The following CAMK2D variants were observed in gnomAD, a reference collection of about 807,000 sequenced individuals.
CAMK2D encodes the protein calcium/calmodulin dependent protein kinase II delta.
CAMK2D carries 37 observed loss-of-function variants against 84.0 expected under a neutral mutation model. The observed-to-expected ratio is 0.44, with a 90% CI of 0.34 to 0.58. The LOEUF (loss-of-function observed/expected upper bound fraction) is 0.58. Among genes scored for constraint, CAMK2D ranks in the 20% least tolerant of loss-of-function variants. The pLI, the probability that CAMK2D is intolerant of heterozygous loss-of-function variation, is 0.02. For synonymous variants in CAMK2D, 202 were observed against 212.5 expected, an observed-to-expected ratio of 0.95 and a Z score of 0.43; for missense variants, 448 against 652.5, an observed-to-expected ratio of 0.69 and a Z score of 3.41.
chr4:113,716,800 G>A (rs1432746873), intron 2 of CAMK2D, among the ~76,000 whole-genome samples: 1 of 152,086 alleles, frequency 6.6e-6, no homozygotes, highest in Non-Finnish European at 1.5e-5. Context: ...AGGACACATG[G>A]TAATGAGCAG....
intron 3 of CAMK2D, among the ~76,000 whole-genome samples, chr4:113,623,355 T>A (rs1030515909): frequency 1.3e-5 from 2 of 151,900 alleles, no homozygotes; most frequent in East Asian, 3.9e-4. Flanking sequence ...AGATTAATGA[T>A]GATCAATGAT....
At chr4:113,661,869 C>T (rs960761579) in intron 2 of CAMK2D, 97 bp from the exon 3 acceptor site, 1 of 609,658 alleles carries the variant, frequency 1.6e-6, no homozygotes, top group Non-Finnish European at 3.0e-6. Context: ...TTTGCATTTA[C>T]TTATCCTTTG....
At chr4:113,667,055 G>A (rs1410065279) in intron 2 of CAMK2D, among the ~76,000 whole-genome samples, 1 of 152,190 alleles carries the variant, frequency 6.6e-6, no homozygotes, top group Non-Finnish European at 1.5e-5. Flanking sequence ...ACAGCCTCGA[G>A]TAAGAGACAT....
chr4:113,646,817 G>C (rs1352174974), intron 3 of CAMK2D, among the ~76,000 whole-genome samples: 1 of 152,204 alleles, frequency 6.6e-6, no homozygotes, highest in African/African-American at 2.4e-5. Flanking sequence ...CCGAGGAGAG[G>C]AAAGACATGG....
chr4:113,467,840 G>A lies in CAMK2D; in HGVS notation c.1136-2236C>T, dbSNP rs555277134. On this transcript the variant is annotated intron_variant, in intron 16 of 20. Coordinates refer to ENST00000511664, the MANE Select transcript of CAMK2D (RefSeq NM_001321571.2). ...GGCAAAAGCTAATGACAGCTGACCC[G>A]ATTCTGGAATATAAGGGATACGGGT... is the stretch of plus-strand genomic sequence containing the variant. Among the ~76,000 whole-genome samples, 4 of 152,170 alleles carry A rather than the reference G, an allele frequency of 2.6e-5. No homozygotes were observed. The South Asian group carries it at 8.3e-4, about 32-fold the overall frequency.
chr4:113,492,655 G>T (rs2154140535), intron 16 of CAMK2D, among the ~76,000 whole-genome samples: 1 of 150,672 alleles, frequency 6.6e-6, no homozygotes, highest in African/African-American at 2.5e-5. Flanking sequence ...ATGTCTATTA[G>T]GTCCACTTGG....
At chr4:113,575,821 C>T (rs1048196931) in intron 4 of CAMK2D, among the ~76,000 whole-genome samples, 67 of 151,998 alleles carry the variant, frequency 4.4e-4, no homozygotes, top group African/African-American at 1.6e-3. Context: ...GCCTGAGAGT[C>T]TTTGTGGAAT....
intron 16 of CAMK2D, among the ~76,000 whole-genome samples, chr4:113,488,941 G>C (rs933733674): frequency 1.3e-5 from 2 of 152,016 alleles, no homozygotes; most frequent in African/African-American, 4.8e-5. Context: ...TGAAAACTTA[G>C]GATAACTTGG....
chr4:113,701,954 G>T (rs927648715), intron 2 of CAMK2D, among the ~76,000 whole-genome samples: 1 of 152,104 alleles, frequency 6.6e-6, no homozygotes, highest in African/African-American at 2.4e-5. Context: ...GCCTTCCTCG[G>T]TCTCCCAAAG....
At chr4:113,456,511 TATCC>T (rs33913567) in intron 19 of CAMK2D, 100,055 of 151,636 alleles carry the variant, frequency 0.66, 34,615 homozygotes, top group African/African-American at 0.88. Flanking sequence ...TAGCTTGGAC[TATCC>T]ATCCTCCTTT....
intron 2 of CAMK2D, among the ~76,000 whole-genome samples, chr4:113,672,708 A>G (rs1402414992): frequency 1.3e-5 from 2 of 151,640 alleles, no homozygotes; most frequent in African/African-American, 4.8e-5. Context: ...ATTAAAAATA[A>G]AATTAATTTA....
chr4:113,712,076 T>C (rs571143157), intron 2 of CAMK2D, among the ~76,000 whole-genome samples: 1 of 152,260 alleles, frequency 6.6e-6, no homozygotes, highest in Admixed American at 6.5e-5. Flanking sequence ...AATTCATTCT[T>C]TTAGTGTAAG....
chr4:113,493,507 G>A (rs2154141560), intron 16 of CAMK2D, among the ~76,000 whole-genome samples: 1 of 152,340 alleles, frequency 6.6e-6, no homozygotes, highest in African/African-American at 2.4e-5. Flanking sequence ...TCTGCCGAGA[G>A]ATCAGCTGTT....
intron 2 of CAMK2D, among the ~76,000 whole-genome samples, chr4:113,677,809 T>C (rs559303282): frequency 5.3e-5 from 8 of 152,074 alleles, no homozygotes; most frequent in African/African-American, 1.7e-4. Context: ...ATCTCATGTA[T>C]ACAGAGGAAA....
At chr4:113,686,848 A>G (rs772234079) in intron 2 of CAMK2D, among the ~76,000 whole-genome samples, 1 of 142,492 alleles carries the variant, frequency 7.0e-6, no homozygotes, top group Non-Finnish European at 1.5e-5. Flanking sequence ...TATTTACAAT[A>G]CAGGTATGTG....
chr4:113,523,518 A>C (rs2098388387), intron 8 of CAMK2D, among the ~76,000 whole-genome samples: 1 of 152,160 alleles, frequency 6.6e-6, no homozygotes, highest in African/African-American at 2.4e-5. Context: ...CACACTTTCA[A>C]TCCCAGCACT....
chr4:113,652,474 G>T (rs1254726759), intron 3 of CAMK2D, among the ~76,000 whole-genome samples: 1 of 151,996 alleles, frequency 6.6e-6, no homozygotes, highest in African/African-American at 2.4e-5. Context: ...AAAGGGAAAA[G>T]AGGAATGATT....
intron 3 of CAMK2D, among the ~76,000 whole-genome samples, chr4:113,612,580 C>G (rs748145472): frequency 6.6e-6 from 1 of 152,020 alleles, no homozygotes; most frequent in Non-Finnish European, 1.5e-5. Context: ...TATGAGTGGA[C>G]GCAATTAGCC....
At chr4:113,537,527 TA>T (rs1339846811) in intron 6 of CAMK2D, 84 bp from the exon 7 acceptor site, 39 of 792,230 alleles carry the variant, frequency 4.9e-5, no homozygotes, top group Non-Finnish European at 6.9e-5. Flanking sequence ...TTTACAGGAT[TA>T]GGGGGAAAAA....
Sources: gnomAD v4.1 joint callset for allele counts (sites outside exome capture counted in the v4.1 genomes callset) on GRCh38, gnomAD v4.1.1 for gene constraint, MANE v1.5 for transcripts, NCBI Gene and HGNC (gene_info 2026-07-23, HGNC 2026-07-21) for gene names.